Variants in BTRC observed in about 807,000 individuals in gnomAD.
The protein encoded by BTRC is beta-transducin repeat containing E3 ubiquitin protein ligase, also known as F-box/WD repeat-containing protein 1A.
In BTRC, 42 loss-of-function variants were observed where a neutral mutation model predicts 85.5. The ratio of observed to expected loss-of-function variants is 0.49; its 90% confidence interval spans 0.38 to 0.64. BTRC has a LOEUF of 0.64. Among genes scored for constraint, BTRC ranks in the 30% least tolerant of loss-of-function variants. BTRC has a pLI of 0.00. For missense variants in BTRC, 594 were observed against 743.5 expected (o/e 0.80, Z 2.34); for synonymous variants, 255 against 263.3 (o/e 0.97, Z 0.30).
At chr10:101,485,211 C>T (rs1048884592) in intron 4 of BTRC, among the ~76,000 whole-genome samples, 1 of 152,070 alleles carries the variant, frequency 6.6e-6, no homozygotes, top group Admixed American at 6.6e-5. Flanking sequence ...AAAGTCCAGA[C>T]CCCAGCCCAG....
At chr10:101,426,188 A>T (rs899182162) in intron 1 of BTRC, among the ~76,000 whole-genome samples, 1 of 152,012 alleles carries the variant, frequency 6.6e-6, no homozygotes, top group Non-Finnish European at 1.5e-5. Flanking sequence ...GTTATAGCCC[A>T]CTCCATTTAT....
intron 4 of BTRC, among the ~76,000 whole-genome samples, chr10:101,499,654 C>T (rs1192389610): frequency 6.6e-6 from 1 of 151,656 alleles, no homozygotes; most frequent in Admixed American, 6.6e-5. Flanking sequence ...TGTCACACCC[C>T]TAACCCCCAT....
intron 1 of BTRC, among the ~76,000 whole-genome samples, chr10:101,421,638 A>G: frequency 1.1e-5 from 1 of 93,634 alleles, no homozygotes; most frequent in African/African-American, 4.4e-5. Context: ...CCCACCCCAC[A>G]ACAGGCCCTG....
chr10:101,434,331 T>G (rs1403559852), intron 2 of BTRC, among the ~76,000 whole-genome samples: 3 of 152,240 alleles, frequency 2.0e-5, no homozygotes, highest in Non-Finnish European at 4.4e-5. Flanking sequence ...TGTATTAAAA[T>G]CCATTGGTCT....
chr10:101,438,305 G>A (rs528006559), intron 2 of BTRC, among the ~76,000 whole-genome samples: 2 of 150,998 alleles, frequency 1.3e-5, no homozygotes, highest in African/African-American at 4.9e-5. Flanking sequence ...GGCGCCTGTA[G>A]TCCCAGCTCC....
rs1223631849 is a variant in BTRC at position 101,550,832 on chromosome 10, C to G, written c.1790C>G (p.Ser597Cys). The G allele has an allele frequency of 1.2e-6, 2 of 1,614,092 alleles. No individual in the cohort carries two copies. Among genetic ancestry groups the G allele is most frequent in the East Asian group, 2.2e-5 (1 of 44,886 alleles). Residue 597 changes from serine to cysteine, a missense_variant, in exon 14 of 15, where the codon TCT becomes TGT. Physicochemically the swap from Ser to Cys is moderately radical, Grantham distance 112. Coordinates refer to ENST00000370187, the MANE Select transcript of BTRC (RefSeq NM_033637.4). ...AAQAEPPRSPSRTYTYISR is the reference protein window; with the variant it reads ...AAQAEPPRSPCRTYTYISR ...CAAGCTGAACCCCCCCGTTCCCCTT[C>G]TCGAACATACACCTACATCTCCAGA...
chr10:101,433,838 G>A (rs574044417), intron 2 of BTRC, among the ~76,000 whole-genome samples: 2 of 152,092 alleles, frequency 1.3e-5, no homozygotes, highest in South Asian at 4.2e-4. Flanking sequence ...AGAGATGATG[G>A]CAGCTTGGTT....
intron 1 of BTRC, among the ~76,000 whole-genome samples, chr10:101,428,934 T>C (rs1415095253): frequency 2.6e-5 from 4 of 152,202 alleles, no homozygotes; most frequent in Non-Finnish European, 4.4e-5. Flanking sequence ...CTGAGTAGCT[T>C]GGACCACAGG....
In BTRC at chr10:101,366,909, AATATATATTTATATATATTT is replaced by A. The variant is rs1351755682; in HGVS notation, c.48+12710_48+12729del. On this transcript the variant is annotated intron_variant, in intron 1 of 14. Transcript: ENST00000370187. ...ATATTTATATATATTTATATATATT[AATATATATTTATATATATTT>A]ATATATATTTATATATATTTATATA... Among the ~76,000 whole-genome samples, 250 of 19,268 alleles carry A rather than the reference AATATATATTTATATATATTT, an allele frequency of 0.013. 31 individuals are homozygous for A. The Admixed American group carries it at 0.18, about 14-fold the overall frequency. 12.6% of individuals were successfully genotyped at this position (19,268 alleles called of 152,430 possible).
chr10:101,466,853 C>G (rs1945385788), intron 3 of BTRC, among the ~76,000 whole-genome samples: 1 of 152,112 alleles, frequency 6.6e-6, no homozygotes, highest in Non-Finnish European at 1.5e-5. Flanking sequence ...ATTCCCCTCC[C>G]CTGAAAAAAT....
intron 2 of BTRC, among the ~76,000 whole-genome samples, chr10:101,434,501 A>G (rs535008535): frequency 3.3e-5 from 5 of 152,322 alleles, no homozygotes; most frequent in African/African-American, 1.2e-4. Context: ...ATGTGGCAAA[A>G]ATAATCATTG....
At chr10:101,536,949 T>G (rs927204891) in intron 12 of BTRC, among the ~76,000 whole-genome samples, 3 of 152,236 alleles carry the variant, frequency 2.0e-5, no homozygotes, top group Non-Finnish European at 2.9e-5. Context: ...AAAAACCCAG[T>G]GTTAACAGGC....
At chr10:101,376,083 CG>C (rs1285418339) in intron 1 of BTRC, among the ~76,000 whole-genome samples, 1 of 152,150 alleles carries the variant, frequency 6.6e-6, no homozygotes, top group East Asian at 1.9e-4. Context: ...CCTAGCACTT[CG>C]GGAGGCTGAG....
chr10:101,522,519 C>T (rs1426743646), intron 5 of BTRC, among the ~76,000 whole-genome samples: 1 of 134,158 alleles, frequency 7.5e-6, no homozygotes, highest in South Asian at 2.5e-4. Flanking sequence ...CTCCCAGATT[C>T]AAGCAATTCT....
chr10:101,467,689 C>T lies in BTRC; in HGVS notation c.234+5631C>T, dbSNP rs554852003. Among the ~76,000 whole-genome samples, 3 of 151,116 alleles carry T rather than the reference C, an allele frequency of 2.0e-5. No homozygotes were observed. The East Asian group carries it at 5.8e-4, about 29-fold the overall frequency. The stretch of plus-strand genomic sequence containing the variant: ...TTTTGCCCTCCTAAAGTGCTTTGGG[C>T]TTTGGGTAAAAAAAAAATTGCCTGA... On this transcript the variant is annotated intron_variant, in intron 3 of 14. Transcript: ENST00000370187.
chr10:101,432,381 G>C (rs1304408028), intron 2 of BTRC, among the ~76,000 whole-genome samples: 1 of 152,070 alleles, frequency 6.6e-6, no homozygotes, highest in African/African-American at 2.4e-5. Context: ...GCCTGCCTCA[G>C]CCTCCCAAAG....
chr10:101,420,237 T>C (rs1944063251), intron 1 of BTRC, among the ~76,000 whole-genome samples: 1 of 152,184 alleles, frequency 6.6e-6, no homozygotes, highest in Non-Finnish European at 1.5e-5. Flanking sequence ...AACCTAGCTC[T>C]TATTATCCTT....
intron 9 of BTRC, among the ~76,000 whole-genome samples, 193 bp downstream of exon 9, chr10:101,533,263 C>T (rs562081925): frequency 2.6e-5 from 4 of 152,280 alleles, no homozygotes; most frequent in Admixed American, 1.3e-4. Context: ...TTTACATTTT[C>T]GCACATTGAA....
intron 1 of BTRC, among the ~76,000 whole-genome samples, chr10:101,382,350 C>G (rs1373769696): frequency 2.0e-5 from 3 of 151,962 alleles, no homozygotes; most frequent in African/African-American, 7.3e-5. Flanking sequence ...TATAATATCT[C>G]TTTAGTTTCC....
Sources: allele counts gnomAD v4.1 joint callset (sites outside exome capture counted in the v4.1 genomes callset), GRCh38; gene constraint gnomAD v4.1.1; transcripts MANE v1.5; gene names NCBI Gene and HGNC (gene_info 2026-07-23, HGNC 2026-07-21).